The following SLC35F4 variants were observed in gnomAD, a reference collection of about 807,000 sequenced individuals.
SLC35F4 encodes chromosome 14 open reading frame 36.
Under a neutral mutation model 44.2 loss-of-function variants are expected in SLC35F4, and 24 were observed. The observed-to-expected ratio is 0.54, with a 90% CI of 0.39 to 0.76. The LOEUF (loss-of-function observed/expected upper bound fraction) is 0.76. SLC35F4 is among the 30% of genes least tolerant of loss of function. SLC35F4 has a pLI of 0.00. For missense variants in SLC35F4, 562 were observed against 586.1 expected (o/e 0.96, Z 0.42); for synonymous variants, 238 against 223.6 (o/e 1.06, Z -0.57).
chr14:57,827,765 C>T (rs1372845764), intron 1 of SLC35F4, among the ~76,000 whole-genome samples: 3 of 140,482 alleles, frequency 2.1e-5, no homozygotes, highest in African/African-American at 5.2e-5. Flanking sequence ...GTTTAATATA[C>T]AATTATAAGG....
chr14:57,877,623 T>C (rs1352254568), intron 1 of SLC35F4, among the ~76,000 whole-genome samples: 1 of 151,638 alleles, frequency 6.6e-6, no homozygotes, highest in East Asian at 1.9e-4. Flanking sequence ...ACCAGTAGTA[T>C]ATAAGTGTTC....
chr14:57,581,383 A>C lies in SLC35F4; in HGVS notation c.638T>G (p.Leu213Arg). The change falls in exon 4 of 8, where the codon CTT becomes CGT. Residue 213 changes from leucine (L) to arginine (R), a missense_variant. By Grantham distance (102) the Leu-to-Arg change is moderately radical. Coordinates refer to ENST00000556826, the MANE Select transcript of SLC35F4 (RefSeq NM_001306087.2). ...GEDGLTLKLF[L>R]KRTAPFSILW... is the part of the protein sequence containing the mutation. ...AATAGAAAAGGGAGCAGTTCTTTTA[A>C]GAAAGAGTTTCAGCGTCAGACCATC... The C allele has an allele frequency of 6.2e-7, 1 of 1,613,204 alleles. No homozygotes were observed.
At chr14:57,690,380 A>C (rs1283665948) in intron 1 of SLC35F4, among the ~76,000 whole-genome samples, 1 of 152,180 alleles carries the variant, frequency 6.6e-6, no homozygotes, top group African/African-American at 2.4e-5. Flanking sequence ...CAAAAATTCA[A>C]CTGGGCTAGA....
chr14:57,866,779 T>C (rs1415302859), upstream of SLC35F4, among the ~76,000 whole-genome samples: 1 of 152,008 alleles, frequency 6.6e-6, no homozygotes, highest in Non-Finnish European at 1.5e-5. Context: ...GTGAAAGTCT[T>C]AGCTACAGTC....
intron 1 of SLC35F4, among the ~76,000 whole-genome samples, chr14:57,694,652 AT>A (rs2140343090): frequency 6.6e-6 from 1 of 152,198 alleles, no homozygotes; most frequent in East Asian, 1.9e-4. Flanking sequence ...ACACTACTGA[AT>A]TTTCCAATCT....
intron 1 of SLC35F4, among the ~76,000 whole-genome samples, chr14:57,787,861 AC>A (rs1333220502): frequency 6.6e-6 from 1 of 152,162 alleles, no homozygotes; most frequent in Admixed American, 6.5e-5. Flanking sequence ...AAAAAGCAAA[AC>A]AAAAAACCAA....
intron 1 of SLC35F4, among the ~76,000 whole-genome samples, chr14:57,843,083 T>C (rs1306844925): frequency 6.6e-6 from 1 of 152,206 alleles, no homozygotes; most frequent in Non-Finnish European, 1.5e-5. Flanking sequence ...AGCCACAGAA[T>C]GAAGGCATTG....
Position 57,827,774 on chromosome 14 carries a change from G to A in SLC35F4, c.103+37949C>T, listed in dbSNP as rs1304443793. 2.0e-5 allele frequency among the ~76,000 whole-genome samples: 3 copies of A among 147,920 alleles called. No homozygotes were observed. The East Asian group carries it at 5.9e-4, about 29-fold the overall frequency. On this transcript the variant is annotated intron_variant, in intron 1 of 7. Coordinates refer to ENST00000556826, the MANE Select transcript of SLC35F4 (RefSeq NM_001306087.2). ...AACCTTGTTTAATATACAATTATAA[G>A]GCAATACTTCCCTTCACTCCTTATT... is the stretch of plus-strand genomic sequence containing the variant.
chr14:57,948,487 T>G (rs548347718), intron 1 of SLC35F4, among the ~76,000 whole-genome samples: 1 of 152,184 alleles, frequency 6.6e-6, no homozygotes, highest in East Asian at 1.9e-4. Context: ...TAACCAGATT[T>G]TTGTTTTATT....
chr14:57,889,781 T>C (rs1008702128), intron 1 of SLC35F4, among the ~76,000 whole-genome samples: 5 of 152,232 alleles, frequency 3.3e-5, no homozygotes, highest in African/African-American at 1.2e-4. Context: ...ATGGACTACA[T>C]CCTATTCTAT....
intron 1 of SLC35F4, among the ~76,000 whole-genome samples, chr14:57,969,725 T>C (rs1033204787): frequency 1.3e-4 from 20 of 152,342 alleles, no homozygotes; most frequent in African/African-American, 4.8e-4. Context: ...GATCTATAAA[T>C]GGTCTCAGAT....
intron 1 of SLC35F4, among the ~76,000 whole-genome samples, chr14:57,874,599 T>G (rs1888359506): frequency 6.6e-6 from 1 of 152,040 alleles, no homozygotes; most frequent in Non-Finnish European, 1.5e-5. Flanking sequence ...CCTCGATGAG[T>G]CTCTGGAAGC....
chr14:57,584,288 AATT>A (rs1404333924), intron 3 of SLC35F4, among the ~76,000 whole-genome samples: 6 of 152,204 alleles, frequency 3.9e-5, no homozygotes, highest in African/African-American at 1.4e-4. Context: ...CTTCATTGAA[AATT>A]ATTTTGATAT....
At chr14:57,931,722 C>A (rs1566932514) in intron 1 of SLC35F4, among the ~76,000 whole-genome samples, 1 of 152,202 alleles carries the variant, frequency 6.6e-6, no homozygotes, top group Non-Finnish European at 1.5e-5. Flanking sequence ...TCACTGGTTG[C>A]CAATTATCTC....
At chr14:57,909,724 G>C (rs543872315) in intron 1 of SLC35F4, among the ~76,000 whole-genome samples, 1 of 152,028 alleles carries the variant, frequency 6.6e-6, no homozygotes, top group Non-Finnish European at 1.5e-5. Flanking sequence ...TGCCTACTGA[G>C]GGATATGTTG....
At chr14:57,976,414 G>A (rs1324948050), downstream of SLC35F4, among the ~76,000 whole-genome samples, 2 of 152,172 alleles carry the variant, frequency 1.3e-5, no homozygotes. Context: ...TTGATTTCCT[G>A]ACCTATGAAG....
chr14:57,599,801 T>C (rs2070705965), intron 1 of SLC35F4, among the ~76,000 whole-genome samples: 1 of 68,502 alleles, frequency 1.5e-5, no homozygotes, highest in Non-Finnish European at 3.4e-5. Context: ...GACTCTGTCT[T>C]GAAAAAAAAA....
intron 6 of SLC35F4, 95 bp from the exon 7 acceptor site, chr14:57,566,659 T>G: frequency 8.0e-7 from 1 of 1,249,602 alleles, no homozygotes; most frequent in Non-Finnish European, 1.1e-6. Flanking sequence ...TTGCTACATG[T>G]GCCTTTTAAA....
At chr14:57,738,243 T>C (rs978371497) in intron 1 of SLC35F4, among the ~76,000 whole-genome samples, 1 of 152,168 alleles carries the variant, frequency 6.6e-6, no homozygotes, top group African/African-American at 2.4e-5. Flanking sequence ...ATGGCTCACA[T>C]ACATCTCAGT....
Sources: gnomAD v4.1 joint callset for allele counts (sites outside exome capture counted in the v4.1 genomes callset) on GRCh38, gnomAD v4.1.1 for gene constraint, MANE v1.5 for transcripts, NCBI Gene and HGNC (gene_info 2026-07-23, HGNC 2026-07-21) for gene names.